SLC38A11: variants seen among roughly 807,000 people sequenced by gnomAD.
The protein encoded by SLC38A11 is solute carrier family 38 member 11.
Under a neutral mutation model 49.4 loss-of-function variants are expected in SLC38A11, and 51 were observed. That is an observed-to-expected ratio of 1.03 (90% confidence interval 0.83 to 1.30). SLC38A11 has a LOEUF of 1.30. SLC38A11 is among the 50% of genes most tolerant of loss of function. The pLI is 0.00. For missense variants in SLC38A11, 574 were observed against 556.2 expected (o/e 1.03, Z -0.32); for synonymous variants, 203 against 192.9 (o/e 1.05, Z -0.43).
At chr2:164,954,526 T>C in intron 2 of SLC38A11, 105 bp downstream of exon 2, 1 of 511,904 alleles carries the variant, frequency 2.0e-6, no homozygotes, top group Non-Finnish European at 3.4e-6. Flanking sequence ...AATTTTCTTA[T>C]TTAAGTCTTT....
intron 3 of SLC38A11, among the ~76,000 whole-genome samples, chr2:164,948,433 A>C (rs1458525543): frequency 6.6e-6 from 1 of 152,202 alleles, no homozygotes; most frequent in African/African-American, 2.4e-5. Context: ...GCTGGTTATC[A>C]TGCCCATTTA....
At chr2:164,904,833 T>C (rs1462434695) in intron 11 of SLC38A11, among the ~76,000 whole-genome samples, 1 of 152,110 alleles carries the variant, frequency 6.6e-6, no homozygotes, top group African/African-American at 2.4e-5. Flanking sequence ...CCTAAGAAAG[T>C]GGATAGAGAA....
intron 9 of SLC38A11, among the ~76,000 whole-genome samples, chr2:164,914,215 G>A (rs1309787497): frequency 6.6e-6 from 1 of 151,980 alleles, no homozygotes; most frequent in Non-Finnish European, 1.5e-5. Flanking sequence ...CCCTTCAAAG[G>A]GTTGTCTGAA....
chr2:164,903,498 A>T (rs772466330), intron 11 of SLC38A11, among the ~76,000 whole-genome samples: 5 of 152,192 alleles, frequency 3.3e-5, no homozygotes, highest in Non-Finnish European at 5.9e-5. Flanking sequence ...TCTTGTTTAG[A>T]TACCAGCTAC....
intron 8 of SLC38A11, 116 bp from the exon 9 acceptor site, chr2:164,915,389 C>G: frequency 2.4e-6 from 2 of 841,690 alleles, no homozygotes; most frequent in Non-Finnish European, 3.6e-6. Flanking sequence ...TTTAAACATA[C>G]AACTTTATTA....
At chr2:164,923,463 A>G (rs193191301) in intron 7 of SLC38A11, among the ~76,000 whole-genome samples, 8 of 152,286 alleles carry the variant, frequency 5.3e-5, no homozygotes, top group South Asian at 2.1e-4. Context: ...GCCAATGAAC[A>G]TATGAAGAAA....
chr2:164,934,259 A>T (rs1312035561), intron 7 of SLC38A11, among the ~76,000 whole-genome samples: 1 of 152,194 alleles, frequency 6.6e-6, no homozygotes, highest in African/African-American at 2.4e-5. Flanking sequence ...TACATAAAAA[A>T]TACTGAAAGA....
chr2:164,945,518 T>C, intron 4 of SLC38A11, 75 bp downstream of exon 4: 1 of 1,391,512 alleles, frequency 7.2e-7, no homozygotes, highest in Non-Finnish European at 9.7e-7. Context: ...TTAATGACTA[T>C]TAAAAGTATT....
chr2:164,935,840 G>A (rs1237869741), intron 7 of SLC38A11, among the ~76,000 whole-genome samples: 10 of 152,048 alleles, frequency 6.6e-5, no homozygotes, highest in Admixed American at 6.6e-5. Context: ...TTAGATAAAC[G>A]CATGAGGGAA....
chr2:164,932,154 A>C (rs971921426), intron 7 of SLC38A11, among the ~76,000 whole-genome samples: 11 of 152,184 alleles, frequency 7.2e-5, no homozygotes, highest in African/African-American at 2.7e-4. Context: ...ATTCATATGA[A>C]AAAAAGCTCA....
At chr2:164,911,769 A>G in intron 9 of SLC38A11, 21 bp from the exon 10 acceptor site, 1 of 1,374,250 alleles carries the variant, frequency 7.3e-7, no homozygotes, top group Non-Finnish European at 1.0e-6. Flanking sequence ...ATATAAAATA[A>G]GTTTATTTAC....
At chr2:164,907,394 C>T (rs1009981855) in intron 11 of SLC38A11, among the ~76,000 whole-genome samples, 1 of 150,402 alleles carries the variant, frequency 6.6e-6, no homozygotes, top group Non-Finnish European at 1.5e-5. Context: ...TCACCTCAGC[C>T]TCTCAAGTAG....
chr2:164,945,800 CA>C, intron 3 of SLC38A11, 73 bp from the exon 4 acceptor site: 1 of 1,516,968 alleles, frequency 6.6e-7, no homozygotes, highest in Non-Finnish European at 8.9e-7. Context: ...ACTTAATTAC[CA>C]TCGAGAAAAG....
chr2:164,912,360 G>A (rs1054388549), intron 9 of SLC38A11: 6 of 152,038 alleles, frequency 3.9e-5, no homozygotes, highest in African/African-American at 1.4e-4. Flanking sequence ...TTTATCCATT[G>A]TCTTCTTACA....
At chr2:164,907,814 G>C (rs1685121946) in intron 11 of SLC38A11, 1 of 152,228 alleles carries the variant, frequency 6.6e-6, no homozygotes, top group South Asian at 2.1e-4. Context: ...ATAGGACAAA[G>C]AATAATGGAA....
chr2:164,934,620 T>C (rs1347252122), intron 7 of SLC38A11, among the ~76,000 whole-genome samples: 2 of 152,182 alleles, frequency 1.3e-5, no homozygotes, highest in Non-Finnish European at 2.9e-5. Flanking sequence ...ACTTCCTACT[T>C]TAGCTATGTT....
chr2:164,935,780 G>T (rs1289134781), intron 7 of SLC38A11, among the ~76,000 whole-genome samples: 19 of 152,166 alleles, frequency 1.2e-4, no homozygotes, highest in Admixed American at 1.2e-3. Context: ...CTCTCACTGT[G>T]CTGGCATTTG....
At chr2:164,912,076 G>C (rs1385359388) in intron 9 of SLC38A11, 4 of 158,898 alleles carry the variant, frequency 2.5e-5, no homozygotes, top group African/African-American at 9.6e-5. Context: ...TGCACAATGA[G>C]GAAATCACCT....
chr2:164,939,669 A>C, intron 5 of SLC38A11, 113 bp from the exon 6 acceptor site: 1 of 547,480 alleles, frequency 1.8e-6, no homozygotes, highest in Non-Finnish European at 3.1e-6. Flanking sequence ...TACTACCTCA[A>C]TGACAATAAT....
Sources: allele counts gnomAD v4.1 joint callset (sites outside exome capture counted in the v4.1 genomes callset), GRCh38; gene constraint gnomAD v4.1.1; transcripts MANE v1.5; gene names NCBI Gene and HGNC (gene_info 2026-07-23, HGNC 2026-07-21).